HTT: variants seen among roughly 807,000 people sequenced by gnomAD.
HTT encodes the protein huntingtin.
Under a neutral mutation model 362.3 loss-of-function variants are expected in HTT, and 104 were observed. That is an observed-to-expected ratio of 0.29 (90% CI 0.24 to 0.34). The LOEUF (loss-of-function observed/expected upper bound fraction) is 0.34. Among genes scored for constraint, HTT ranks in the 10% least tolerant of loss-of-function variants. The pLI is 1.00. For synonymous variants in HTT, 1,577 were observed against 1,548.7 expected (o/e 1.02, Z -0.43); for missense variants, 3,301 against 3,928.6 (o/e 0.84, Z 4.27).
chr4:3,234,728 AC>A (rs984933193), intron 61 of HTT, among the ~76,000 whole-genome samples: 2 of 152,208 alleles, frequency 1.3e-5, no homozygotes, highest in Non-Finnish European at 2.9e-5. Context: ...AGGTGGGACC[AC>A]GTGGTGACAG....
intron 30 of HTT, 129 bp from the exon 31 acceptor site, chr4:3,172,779 G>T: frequency 1.4e-6 from 1 of 709,302 alleles, no homozygotes; most frequent in Non-Finnish European, 2.5e-6. Context: ...TGATTCACAG[G>T]AAGAATTTCA....
chr4:3,094,322 C>T (rs1488548274), intron 2 of HTT, among the ~76,000 whole-genome samples: 5 of 152,228 alleles, frequency 3.3e-5, no homozygotes, highest in African/African-American at 4.8e-5. Context: ...CTTCTTTCTA[C>T]GCAGACACAG....
chr4:3,131,475 TTGCG>T (rs1715813461), intron 15 of HTT, 78 bp downstream of exon 15: 1 of 1,465,758 alleles, frequency 6.8e-7, no homozygotes, highest in Admixed American at 1.7e-5. Context: ...TGTTTTTGCC[TTGCG>T]TGCAGCAGAG....
intron 1 of HTT, among the ~76,000 whole-genome samples, chr4:3,075,647 C>CGG (rs1560535774): frequency 7.8e-4 from 48 of 61,664 alleles, no homozygotes; most frequent in African/African-American, 2.5e-3. Context: ...AGTGGCGGGG[C>CGG]AGGGGGGGGG....
chr4:3,228,912 G>T lies in HTT; in HGVS notation c.8012G>T (p.Cys2671Phe). The T allele has an allele frequency of 3.1e-6, 5 of 1,613,820 alleles. No individual in the cohort carries two copies. Among genetic ancestry groups the T allele is most frequent in the Non-Finnish European group, 4.2e-6 (5 of 1,179,830 alleles). ...CGGGCTGGAGTTGACATCCACTCCT[G>T]TTCGCAGTTTTTGCTTGAGTTGTAC... Reference protein sequence around the residue: ...KHRAGVDIHSCSQFLLELYSR... With the variant: ...KHRAGVDIHSFSQFLLELYSR... Residue 2671 changes from cysteine (C) to phenylalanine (F), a missense_variant, in exon 59 of 67, where the codon TGT (cysteine) becomes TTT (phenylalanine). Around this residue, in one of 4 missense-constraint regions of HTT, gnomAD observed 753 missense variants for 1,021.3 expected, o/e 0.74. Transcript: ENST00000355072. The surrounding 1 kb of genome is among the most constrained non-coding windows in gnomAD (Gnocchi z 4.3).
chr4:3,087,012 C>G lies in HTT; in HGVS notation c.337C>G (p.Gln113Glu). 1 of 1,589,512 alleles carries G rather than the reference C, an allele frequency of 6.3e-7. No individual in the cohort carries two copies. The highest frequency in any genetic ancestry group is 8.6e-7 in the Non-Finnish European group (1 of 1,158,108). ...GACAATATGTGAAAACATAGTGGCA[C>G]AGTCTGTCAGGTAATTGCACTTTGA... ...CLTICENIVA[Q>E]SVRNSPEFQK... is the part of the protein sequence containing the mutation. The change falls in exon 2 of 67, where the codon CAG becomes GAG. Residue 113 changes from glutamine (Q) to glutamate (E), a missense_variant. By Grantham distance (29) the Gln-to-Glu change is conservative. Transcript: ENST00000355072.
intron 23 of HTT, among the ~76,000 whole-genome samples, 157 bp from the exon 24 acceptor site, chr4:3,144,988 AAAGTAGG>A (rs1560567708): frequency 6.6e-6 from 1 of 152,204 alleles, no homozygotes; most frequent in Non-Finnish European, 1.5e-5. Flanking sequence ...TGAGGTGTCT[AAAGTAGG>A]AAGTTGTACC....
At position 3,154,378 on chromosome 4, in the gene HTT, C is replaced by G. The variant is rs1414497848; in HGVS notation, c.3584C>G (p.Ser1195Cys). 13 of 1,613,868 alleles carry G rather than the reference C, an allele frequency of 8.1e-6. No homozygotes were observed. The highest frequency in any genetic ancestry group is 1.3e-5 in the African/African-American group (1 of 74,906). Residue 1195 changes from serine (S) to cysteine (C), a missense_variant, in exon 27 of 67, where the codon TCT (serine) becomes TGT (cysteine). By Grantham distance (112) the Ser-to-Cys change is moderately radical. Transcript: ENST00000355072. ...GAGAAAGAACCAGGAGAACAAGCAT[C>G]TGTACCGTTGAGTCCCAAGAAAGGC... ...GKEKEPGEQASVPLSPKKGSE... is the reference protein window; with the variant it reads ...GKEKEPGEQACVPLSPKKGSE...
chr4:3,198,623 G>T (rs1170726086), intron 40 of HTT, among the ~76,000 whole-genome samples: 2 of 152,250 alleles, frequency 1.3e-5, no homozygotes. Context: ...GCCTTTCTCT[G>T]TTTCCCAAGT....
intron 38 of HTT, among the ~76,000 whole-genome samples, chr4:3,187,409 C>A (rs1718818509): frequency 1.3e-5 from 2 of 152,214 alleles, no homozygotes; most frequent in Admixed American, 6.5e-5. Flanking sequence ...CCCGCCTCGG[C>A]CTCCCAAAGT....
At chr4:3,210,045 C>T in intron 47 of HTT, 96 bp downstream of exon 47, 1 of 1,480,870 alleles carries the variant, frequency 6.8e-7, no homozygotes, top group Non-Finnish European at 9.2e-7. Flanking sequence ...TTGTTGACAA[C>T]ACATGTTGGG....
chr4:3,181,043 ATT>A (rs1002327029), intron 36 of HTT, among the ~76,000 whole-genome samples: 1 of 146,448 alleles, frequency 6.8e-6, no homozygotes. Context: ...TGCCCAGCAA[ATT>A]TTTTTTTTTG....
chr4:3,121,235 A>G lies in HTT; in HGVS notation c.1076A>G (p.Glu359Gly), dbSNP rs749648927. 1 of 1,613,136 alleles carries G rather than the reference A, an allele frequency of 6.2e-7. No homozygotes were observed. The highest frequency in any genetic ancestry group is 8.5e-7 in the Non-Finnish European group (1 of 1,179,050). ...GTGTTTCTCTGTTTCTAGGTTTATG[A>G]ACTGACGTTACATCATACACAGCAC... ...PSAEQLVQVYELTLHHTQHQD... is the reference protein window; with the variant it reads ...PSAEQLVQVYGLTLHHTQHQD... Residue 359 changes from glutamate (E) to glycine (G), a missense_variant, in exon 9 of 67, where the codon GAA (glutamate) becomes GGA (glycine). Glu to Gly is a moderately conservative substitution (Grantham distance 98, BLOSUM62 -2). Coordinates refer to ENST00000355072, the MANE Select transcript of HTT (RefSeq NM_001388492.1).
chr4:3,170,820 T>C (rs551752517), intron 29 of HTT, among the ~76,000 whole-genome samples: 2 of 152,160 alleles, frequency 1.3e-5, no homozygotes, highest in Non-Finnish European at 2.9e-5. Flanking sequence ...TCTGTTTTGT[T>C]TTTTGGTTTG....
chr4:3,188,844 A>T, intron 39 of HTT, 107 bp from the exon 40 acceptor site: 2 of 1,086,088 alleles, frequency 1.8e-6, no homozygotes, highest in Non-Finnish European at 2.7e-6. Flanking sequence ...AATGTACTCT[A>T]CCTATATTTT....
chr4:3,079,247 CTTT>C (rs4038027), intron 1 of HTT, among the ~76,000 whole-genome samples: 1 of 114,116 alleles, frequency 8.8e-6, no homozygotes, highest in African/African-American at 3.4e-5. Context: ...GAGAAGACAG[CTTT>C]TTTTTTTTTT....
intron 6 of HTT, among the ~76,000 whole-genome samples, chr4:3,111,670 T>G (rs944436271): frequency 6.6e-6 from 1 of 152,172 alleles, no homozygotes; most frequent in Non-Finnish European, 1.5e-5. Context: ...CTTTTTGTTT[T>G]CTGTGTGCAT....
chr4:3,160,146 A>G, intron 28 of HTT, 136 bp from the exon 29 acceptor site: 3 of 594,294 alleles, frequency 5.0e-6, no homozygotes, highest in Non-Finnish European at 9.4e-6. Flanking sequence ...ACACGCAGAC[A>G]CACCCTGCAA....
chr4:3,074,895 C>T lies in HTT; in HGVS notation c.70C>T (p.Gln24Ter), dbSNP rs1301888922. ...LKSFQQQQQQ[Q>*]QQQQQQQQQQ... Reference sequence around the variant, plus strand: ...GTCCTTCCAGCAGCAGCAGCAGCAGCAGCAGCAGCAGCAGCAGCAGCAGCA... The same window carrying T: ...GTCCTTCCAGCAGCAGCAGCAGCAGTAGCAGCAGCAGCAGCAGCAGCAGCA... The change falls in exon 1 of 67, where the codon CAG becomes TAG. Residue 24 changes from glutamine to a stop codon, truncating the protein, a stop_gained. Transcript: ENST00000355072. LOFTEE classifies it high-confidence loss of function. 4 of 1,471,988 alleles carry T rather than the reference C, an allele frequency of 2.7e-6. No individual in the cohort carries two copies. Among genetic ancestry groups the T allele is most frequent in the South Asian group, 1.3e-5 (1 of 79,982 alleles). 91.2% of individuals were successfully genotyped at this position (1,471,988 alleles called of 1,614,324 possible).
Sources: allele counts gnomAD v4.1 joint callset (sites outside exome capture counted in the v4.1 genomes callset), GRCh38; gene constraint gnomAD v4.1.1; regional missense constraint gnomAD v4.1.1; non-coding constraint Gnocchi (gnomAD v3.1); transcripts MANE v1.5; gene names NCBI Gene and HGNC (gene_info 2026-07-23, HGNC 2026-07-21).